BCL7A: variants seen among roughly 807,000 people sequenced by gnomAD.
The protein encoded by BCL7A is BAF chromatin remodeling complex subunit BCL7A.
In BCL7A, 11 loss-of-function variants were observed where a neutral mutation model predicts 28.4. That is an observed-to-expected ratio of 0.39 (90% CI 0.24 to 0.64). The LOEUF is 0.64. BCL7A is among the 30% of genes least tolerant of loss of function. BCL7A has a pLI of 0.50. For synonymous variants in BCL7A, 123 were observed against 103.3 expected (o/e 1.19, Z -1.15); for missense variants, 222 against 274.8 (o/e 0.81, Z 1.36).
At chr12:122,023,864 C>T (rs1883541952) in intron 1 of BCL7A, among the ~76,000 whole-genome samples, 1 of 152,338 alleles carries the variant, frequency 6.6e-6, no homozygotes, top group African/African-American at 2.4e-5. Flanking sequence ...AAAGAAAGAA[C>T]TGGTGTCTGT....
intron 3 of BCL7A, among the ~76,000 whole-genome samples, chr12:122,037,450 C>T (rs1294747363): frequency 1.3e-5 from 2 of 152,218 alleles, no homozygotes; most frequent in Non-Finnish European, 2.9e-5. Flanking sequence ...AACTTCCCCA[C>T]GTGCTCAAAT....
At position 122,021,957 on chromosome 12, in the gene BCL7A, T is replaced by TGTGTGTGA. The variant is rs776212842; in HGVS notation, c.-134_-133insTGTGTGAG. ...GTGTGTGTGTGTGTGTGTGTGTGTG[T>TGTGTGTGA]GAGTGTGTGCGTGTGAGAGTGCGAG... On this transcript the variant is annotated 5_prime_UTR_variant, in exon 1 of 6. The change abolishes the stop of an existing upstream ORF in the 5' untranslated region. Transcript: ENST00000261822. The TGTGTGTGA allele has an allele frequency of 2.7e-3, 1,602 of 582,952 alleles. 27 individuals carry two copies. Among genetic ancestry groups the TGTGTGTGA allele is most frequent in the Admixed American group, 4.4e-3 (166 of 37,892 alleles). The allele number at this position is 582,952 out of a possible 1,614,324, so 36.1% of individuals were successfully genotyped here.
At position 122,022,047 on chromosome 12, in the gene BCL7A, G is replaced by A. The variant is rs1383722576; in HGVS notation, c.-45G>A. The A allele has an allele frequency of 6.7e-7, 1 of 1,502,842 alleles. No homozygotes were observed. Among genetic ancestry groups the A allele is most frequent in the Non-Finnish European group, 9.0e-7 (1 of 1,116,092 alleles). The allele number at this position is 1,502,842 out of a possible 1,614,324, so 93.1% of individuals were successfully genotyped here. On this transcript the variant is annotated 5_prime_UTR_variant, in exon 1 of 6. Coordinates refer to ENST00000261822, the MANE Select transcript of BCL7A (RefSeq NM_001024808.3). ...TGTGGCCGCCGCGGAGCGCGAGCAG[G>A]ACCCGGCGGGCGCGCTCCCCAGCCT...
At chr12:122,042,105 G>C (rs1288145567) in intron 3 of BCL7A, among the ~76,000 whole-genome samples, 1 of 151,982 alleles carries the variant, frequency 6.6e-6, no homozygotes, top group Non-Finnish European at 1.5e-5. Flanking sequence ...GCCTGAGAAG[G>C]GGGTGCAGGA....
intron 4 of BCL7A, 131 bp downstream of exon 4, chr12:122,044,184 C>A (rs983576627): frequency 9.4e-7 from 1 of 1,066,236 alleles, no homozygotes; most frequent in African/African-American, 1.6e-5. Flanking sequence ...AGAGGTGACA[C>A]CTGGAGTACA....
At chr12:122,025,121 C>T (rs551593555) in intron 1 of BCL7A, among the ~76,000 whole-genome samples, 2 of 152,238 alleles carry the variant, frequency 1.3e-5, no homozygotes, top group Admixed American at 6.5e-5. Flanking sequence ...TTTTGGGAAA[C>T]TGGGCCAGGG....
chr12:122,044,981 G>A (rs755850573), intron 4 of BCL7A, among the ~76,000 whole-genome samples: 2 of 152,114 alleles, frequency 1.3e-5, no homozygotes, highest in African/African-American at 2.4e-5. Context: ...GGTGGTCGGG[G>A]CGGCCTTTGA....
intron 2 of BCL7A, 98 bp from the exon 3 acceptor site, chr12:122,035,233 A>G (rs1003807208): frequency 1.3e-4 from 151 of 1,152,856 alleles, no homozygotes; most frequent in Non-Finnish European, 1.8e-4. Flanking sequence ...GGAGGCTTCA[A>G]TGGAATAAAA....
chr12:122,031,972 G>C (rs6486794), intron 2 of BCL7A, among the ~76,000 whole-genome samples: 133,965 of 152,240 alleles, frequency 0.88, 59,119 homozygotes, highest in African/African-American at 0.95. Flanking sequence ...ACTGCCTTCC[G>C]TATTTACTCA....
chr12:122,022,928 T>C (rs1168681214), intron 1 of BCL7A, among the ~76,000 whole-genome samples: 2 of 152,146 alleles, frequency 1.3e-5, no homozygotes, highest in East Asian at 1.9e-4. Context: ...CCAGCCGATG[T>C]TTTTGGCCAG....
At chr12:122,022,546 T>G (rs2135833295) in intron 1 of BCL7A, among the ~76,000 whole-genome samples, 1 of 140,142 alleles carries the variant, frequency 7.1e-6, no homozygotes, top group African/African-American at 2.6e-5. Flanking sequence ...TTTGTGCAAG[T>G]CACATGAAAG....
rs1951916625 is a variant in BCL7A, at chr12:122,061,009, G to C, written c.*1846G>C. On this transcript the variant is annotated 3_prime_UTR_variant, in exon 6 of 6. Coordinates refer to ENST00000261822, the MANE Select transcript of BCL7A (RefSeq NM_001024808.3). ...ATCAATTTTGCCCCTTAGGCAGTCAGTTTTGTTGAGAACTGTGTCCTGCAT... is the reference window on the plus strand; with the variant it reads ...ATCAATTTTGCCCCTTAGGCAGTCACTTTTGTTGAGAACTGTGTCCTGCAT... The C allele has an allele frequency of 1.8e-5, 4 of 226,370 alleles. No homozygotes were observed. The highest frequency in any genetic ancestry group is 3.5e-5 in the Non-Finnish European group (4 of 113,680). The allele number at this position is 226,370 out of a possible 1,614,324, so 14.0% of individuals were successfully genotyped here.
intron 1 of BCL7A, among the ~76,000 whole-genome samples, chr12:122,023,827 C>G (rs1593020175): frequency 1.3e-5 from 2 of 152,336 alleles, no homozygotes; most frequent in Middle Eastern, 3.4e-3. Context: ...CCCGGAGTTG[C>G]TCCCCTCCTT....
At chr12:122,043,748 A>C in intron 3 of BCL7A, 138 bp from the exon 4 acceptor site, 1 of 906,422 alleles carries the variant, frequency 1.1e-6, no homozygotes. Context: ...AAAAAAAAAA[A>C]ACGGTAACCA....
intron 4 of BCL7A, among the ~76,000 whole-genome samples, chr12:122,054,489 C>T (rs1336255956): frequency 6.6e-6 from 1 of 152,218 alleles, no homozygotes; most frequent in Non-Finnish European, 1.5e-5. Flanking sequence ...GTGCGCACTG[C>T]GGCCGCCAGG....
In BCL7A at chr12:122,039,489, A is replaced by AAT. The variant is rs34251852; in HGVS notation, c.271+4078_271+4079dup. On this transcript the variant is annotated intron_variant, in intron 3 of 5. Coordinates refer to ENST00000261822, the MANE Select transcript of BCL7A (RefSeq NM_001024808.3). ...CAACAGAGCAAGACCCCATCTCTTA[A>AAT]ATATATATATATATATAATATATAT... Among the ~76,000 whole-genome samples the AAT allele has an allele frequency of 2.3e-4, 30 of 131,592 alleles. No homozygotes were observed. The East Asian group carries it at 2.3e-3, about 10-fold the overall frequency. 86.3% of individuals were successfully genotyped at this position (131,592 alleles called of 152,430 possible). A position where few individuals can be genotyped will look rare whatever the true frequency, so the allele number is the denominator to read the frequency against.
chr12:122,037,099 G>A (rs996131711), intron 3 of BCL7A, among the ~76,000 whole-genome samples: 9 of 152,170 alleles, frequency 5.9e-5, no homozygotes, highest in African/African-American at 1.9e-4. Context: ...TGGCAGCCCC[G>A]TGGCTGTGTG....
rs201726083 is a variant in BCL7A at position 122,044,083 on chromosome 12, C to T, written c.439+30C>T. 7.4e-5 allele frequency: 118 copies of T among 1,594,792 alleles called. 1 individual carries two copies. The highest frequency in any genetic ancestry group is 2.3e-4 in the South Asian group (20 of 88,822). On this transcript the variant is annotated intron_variant, in intron 4 of 5. Transcript: ENST00000261822. ...GTGGCCTCTGGAGGTGGGGCTCTGA[C>T]GGCCTCCCTGTAACCGGCCTTCAGG...
intron 1 of BCL7A, among the ~76,000 whole-genome samples, chr12:122,023,606 C>T (rs910691702): frequency 1.3e-5 from 2 of 152,292 alleles, no homozygotes; most frequent in East Asian, 1.9e-4. Context: ...GGTTTGGCTC[C>T]AGTGGGACAA....
Sources: allele counts gnomAD v4.1 joint callset (sites outside exome capture counted in the v4.1 genomes callset), GRCh38; gene constraint gnomAD v4.1.1; transcripts MANE v1.5; gene names NCBI Gene and HGNC (gene_info 2026-07-23, HGNC 2026-07-21).